Variants in TMTC2 observed in about 807,000 individuals in gnomAD.
TMTC2 encodes the protein protein O-mannosyl-transferase TMTC2.
In TMTC2, 43 loss-of-function variants were observed where a neutral mutation model predicts 82.4. The ratio of observed to expected loss-of-function variants is 0.52; its 90% CI spans 0.41 to 0.67. The LOEUF (loss-of-function observed/expected upper bound fraction) is 0.67, where lower values mean the gene tolerates loss of function less well. TMTC2 is among the 30% of genes least tolerant of loss of function. TMTC2 has a pLI of 0.00. For synonymous variants in TMTC2, 408 were observed against 381.9 expected (o/e 1.07, Z -0.80); for missense variants, 919 against 1,012.4 (o/e 0.91, Z 1.25).
intron 1 of TMTC2, among the ~76,000 whole-genome samples, chr12:82,856,785 C>T (rs1422892564): frequency 6.6e-6 from 1 of 152,066 alleles, no homozygotes; most frequent in Non-Finnish European, 1.5e-5. Flanking sequence ...AAGATACTTG[C>T]ATTTCAACAA....
rs550803060 is a variant in TMTC2, at chr12:82,915,477, G to C, written c.1484-14954G>C. ...GTAGATTTCGGACATTTTGTTTTAT[G>C]TTTCTGTATCAAAGTTCCTTTAGTG... is the stretch of plus-strand genomic sequence containing the variant. On this transcript the variant is annotated intron_variant, in intron 3 of 11. Transcript: ENST00000321196. 1.1e-4 allele frequency among the ~76,000 whole-genome samples: 16 copies of C among 152,240 alleles called. No individual in the cohort carries two copies. In the South Asian group the frequency reaches 3.3e-3, roughly 32 times the overall value.
intron 9 of TMTC2, among the ~76,000 whole-genome samples, chr12:83,044,085 T>C (rs1881998997): frequency 6.6e-6 from 1 of 152,188 alleles, no homozygotes; most frequent in Admixed American, 6.5e-5. Flanking sequence ...GGGAAGCATG[T>C]GTGGCCGTTT....
intron 11 of TMTC2, among the ~76,000 whole-genome samples, chr12:83,078,582 G>A (rs1246029648): frequency 6.6e-6 from 1 of 152,080 alleles, no homozygotes; most frequent in Non-Finnish European, 1.5e-5. Flanking sequence ...TATCTGCTGT[G>A]GAGCAGTATT....
chr12:83,042,905 A>G (rs1881947442), intron 9 of TMTC2, among the ~76,000 whole-genome samples: 1 of 152,164 alleles, frequency 6.6e-6, no homozygotes, highest in Admixed American at 6.6e-5. Flanking sequence ...AGGGCCTCCC[A>G]GTCTCACAAT....
At chr12:83,005,206 T>TAAAAAAAAAA (rs59772281) in intron 8 of TMTC2, among the ~76,000 whole-genome samples, 1 of 36,340 alleles carries the variant, frequency 2.8e-5, no homozygotes, top group African/African-American at 6.1e-5. Context: ...TTTGTCTTAT[T>TAAAAAAAAAA]AAAAAAAAAA....
At chr12:82,846,896 T>G (rs939527011) in intron 1 of TMTC2, among the ~76,000 whole-genome samples, 1 of 152,064 alleles carries the variant, frequency 6.6e-6, no homozygotes, top group Non-Finnish European at 1.5e-5. Flanking sequence ...ACAAGCAAAT[T>G]TGGAAAAGTG....
At position 82,918,242 on chromosome 12, in the gene TMTC2, T is replaced by A. The variant is rs148820702; in HGVS notation, c.1484-12189T>A. ...CTTTTAATCTGAATAAAAACAATTC[T>A]TAGTAGATATATTAAGCACTACTAT... On this transcript the variant is annotated intron_variant, in intron 3 of 11. Transcript: ENST00000321196. Among the ~76,000 whole-genome samples the A allele has an allele frequency of 2.2e-3, 339 of 152,324 alleles. 1 individual carries two copies. Among genetic ancestry groups the A allele is most frequent in the African/African-American group, 7.7e-3 (322 of 41,578 alleles).
chr12:83,066,504 CA>C (rs978382799), intron 11 of TMTC2, among the ~76,000 whole-genome samples: 1 of 151,724 alleles, frequency 6.6e-6, no homozygotes, highest in African/African-American at 2.4e-5. Flanking sequence ...TGTTATTAAG[CA>C]AAGTGACATA....
At chr12:82,956,450 G>T (rs1877620621) in intron 4 of TMTC2, among the ~76,000 whole-genome samples, 1 of 151,976 alleles carries the variant, frequency 6.6e-6, no homozygotes, top group Non-Finnish European at 1.5e-5. Context: ...AGATAAAACA[G>T]ACTTACTTCA....
intron 7 of TMTC2, among the ~76,000 whole-genome samples, chr12:82,984,537 C>G (rs1450160232): frequency 6.6e-6 from 1 of 152,054 alleles, no homozygotes; most frequent in Non-Finnish European, 1.5e-5. Flanking sequence ...GTGGGCAATT[C>G]ATTTACAAAA....
At chr12:83,110,922 G>A (rs901281846) in intron 11 of TMTC2, among the ~76,000 whole-genome samples, 4 of 152,210 alleles carry the variant, frequency 2.6e-5, no homozygotes, top group African/African-American at 9.6e-5. Flanking sequence ...CCCAATGCCT[G>A]CTTAGTGTCT....
chr12:83,097,542 A>G (rs896194277), intron 11 of TMTC2, among the ~76,000 whole-genome samples: 1 of 152,214 alleles, frequency 6.6e-6, no homozygotes, highest in Non-Finnish European at 1.5e-5. Flanking sequence ...TTCACTGTCA[A>G]CACTGCCCTA....
chr12:82,904,487 A>G (rs972002467), intron 3 of TMTC2, among the ~76,000 whole-genome samples: 1 of 152,208 alleles, frequency 6.6e-6, no homozygotes, highest in Non-Finnish European at 1.5e-5. Flanking sequence ...TGGAGAAATG[A>G]TAGCTGATTT....
intron 2 of TMTC2, among the ~76,000 whole-genome samples, chr12:82,864,798 G>A (rs552064889): frequency 6.6e-6 from 1 of 151,684 alleles, no homozygotes; most frequent in Admixed American, 6.6e-5. Context: ...ACCGCGCCCG[G>A]CCTACATTTT....
At chr12:82,982,952 TTGGTAAGCAA>T (rs1283787199) in intron 7 of TMTC2, among the ~76,000 whole-genome samples, 1 of 152,074 alleles carries the variant, frequency 6.6e-6, no homozygotes, top group Non-Finnish European at 1.5e-5. Context: ...GTGACATTCC[TTGGTAAGCAA>T]TGAGATACGT....
chr12:82,840,572 T>C (rs1388474439), intron 1 of TMTC2, among the ~76,000 whole-genome samples: 1 of 152,236 alleles, frequency 6.6e-6, no homozygotes, highest in East Asian at 1.9e-4. Context: ...ATTATGTTTA[T>C]TGTGATGGTC....
In TMTC2 at chr12:82,735,625, G is replaced by A. The variant is rs191546576; in HGVS notation, c.83+47956G>A. Among the ~76,000 whole-genome samples the A allele has an allele frequency of 6.1e-4, 93 of 151,488 alleles. 1 individual carries two copies. In the East Asian group the frequency reaches 0.014, roughly 23 times the overall value. ...CTCCCAAAGTGCTGGGATTACAGGC[G>A]TGAGCCACCGCACCCAGCCCCCCTA... On this transcript the variant is annotated intron_variant, in intron 1 of 11. Coordinates refer to ENST00000321196, the MANE Select transcript of TMTC2 (RefSeq NM_152588.3).
intron 5 of TMTC2, 79 bp downstream of exon 5, chr12:82,965,188 G>C (rs1878136701): frequency 9.4e-7 from 1 of 1,064,322 alleles, no homozygotes; most frequent in African/African-American, 1.6e-5. Flanking sequence ...GCCTCACTGA[G>C]AAAACACTTG....
At chr12:82,914,990 T>A (rs564115283) in intron 3 of TMTC2, among the ~76,000 whole-genome samples, 1 of 151,960 alleles carries the variant, frequency 6.6e-6, no homozygotes. Flanking sequence ...CACGCCCGGC[T>A]AATTTTGTAT....
Sources: allele counts gnomAD v4.1 joint callset (sites outside exome capture counted in the v4.1 genomes callset), GRCh38; gene constraint gnomAD v4.1.1; transcripts MANE v1.5; gene names NCBI Gene and HGNC (gene_info 2026-07-23, HGNC 2026-07-21).